Variants in MYBPC3 observed in about 807,000 individuals in gnomAD.
MYBPC3 encodes myosin binding protein C3, also known as myosin-binding protein C, cardiac-type.
MYBPC3 carries 108 observed loss-of-function variants against 159.3 expected under a neutral mutation model. The observed-to-expected ratio is 0.68, with a 90% CI of 0.58 to 0.80. MYBPC3 has a LOEUF of 0.80. Among genes scored for constraint, MYBPC3 ranks in the 30% least tolerant of loss-of-function variants. The probability of loss-of-function intolerance (pLI) is 0.00; values close to 1 mark genes in which losing one functional copy is unlikely to be tolerated. For synonymous variants in MYBPC3, 730 were observed against 702.0 expected, an observed-to-expected ratio of 1.04 and a Z score of -0.63; for missense variants, 1,631 against 1,762.1, an observed-to-expected ratio of 0.93 and a Z score of 1.33.
chr11:47,344,738 C>T (rs193162339), intron 12 of MYBPC3, among the ~76,000 whole-genome samples: 15 of 152,136 alleles, frequency 9.9e-5, no homozygotes, highest in Admixed American at 1.3e-4. Context: ...AGTGTTGTTT[C>T]GAGAATTAAA....
At chr11:47,335,775 G>A in intron 26 of MYBPC3, 102 bp downstream of exon 26, 4 of 1,095,818 alleles carry the variant, frequency 3.7e-6, no homozygotes, top group Non-Finnish European at 4.9e-6. Flanking sequence ...TCAACTTTCG[G>A]CAAAAGTGGG....
chr11:47,341,199 A>ACTTCTT lies in MYBPC3; in HGVS notation c.1835_1836insAAGAAG (p.Ala612_Asp613insArgSer). 1 of 1,595,658 alleles carries ACTTCTT rather than the reference A, an allele frequency of 6.3e-7. No individual in the cohort carries two copies. ...AGCCCTCGGGCACAAAGCTGTAGTC[A>ACTTCTT]GCCTCGTCGGCAGGTGTGACGTCGT... On this transcript the variant is annotated inframe_insertion, in exon 19 of 35. Coordinates refer to ENST00000545968, the MANE Select transcript of MYBPC3 (RefSeq NM_000256.3).
intron 26 of MYBPC3, 162 bp downstream of exon 26, chr11:47,335,715 G>T (rs982158493): frequency 3.4e-6 from 2 of 593,372 alleles, no homozygotes; most frequent in Non-Finnish European, 5.4e-6. Flanking sequence ...TTTTTCACTA[G>T]GCAAGCTTTT....
chr11:47,331,934 T>A, intron 33 of MYBPC3, 53 bp from the exon 34 acceptor site: 1 of 1,603,916 alleles, frequency 6.2e-7, no homozygotes, highest in Non-Finnish European at 8.5e-7. Flanking sequence ...TGGAAGCTAT[T>A]GCCCATCTGG....
chr11:47,348,618 G>T, intron 5 of MYBPC3, 77 bp from the exon 6 acceptor site: 2 of 1,163,446 alleles, frequency 1.7e-6, no homozygotes, highest in Non-Finnish European at 2.4e-6. Context: ...AAAGGAGACT[G>T]GGAGTGGCCG....
chr11:47,351,186 G>GGGGGGC lies in MYBPC3; in HGVS notation c.292+52_292+53insGCCCCC. On this transcript the variant is annotated intron_variant, in intron 2 of 34. Coordinates refer to ENST00000545968, the MANE Select transcript of MYBPC3 (RefSeq NM_000256.3). This position sits in a 1 kb window ranked among gnomAD's most constrained non-coding sequence, Gnocchi z 4.2. ...CCCTGGATGGATGGAGAGTCGCTGG[G>GGGGGGC]CTGCCCCTCCCCCAGCAGCCCAAAC... 1 of 1,446,514 alleles carries GGGGGGC rather than the reference G, an allele frequency of 6.9e-7. No individual in the cohort carries two copies. The highest frequency in any genetic ancestry group is 9.2e-7 in the Non-Finnish European group (1 of 1,087,030). 89.6% of individuals were successfully genotyped at this position (1,446,514 alleles called of 1,614,324 possible).
Position 47,351,111 on chromosome 11 carries a change from G to T in MYBPC3, c.292+128C>A. ...AAAAGGGGGAAAGGGCGTTCCTGGC[G>T]GGGGGCACAGCCACAGCAAAGGCAA... On this transcript the variant is annotated intron_variant, in intron 2 of 34. Transcript: ENST00000545968. The surrounding 1 kb of genome is among the most constrained non-coding windows in gnomAD (Gnocchi z 4.2). 8.2e-7 allele frequency: 1 copy of T among 1,216,572 alleles called. No individual in the cohort carries two copies. The highest frequency in any genetic ancestry group is 1.1e-6 in the Non-Finnish European group (1 of 907,810). The allele number at this position is 1,216,572 out of a possible 1,614,324, so 75.4% of individuals were successfully genotyped here.
chr11:47,349,846 G>T lies in MYBPC3; in HGVS notation c.582C>A (p.Gly194=), dbSNP rs375673378. 7 of 1,612,580 alleles carry T rather than the reference G, an allele frequency of 4.3e-6. No homozygotes were observed. The highest frequency in any genetic ancestry group is 5.1e-6 in the Non-Finnish European group (6 of 1,179,690). ...CCTTGCTGCTCAGGTCCACCCATTT[G>T]CCCTTGAACCACTTGACCACAGGCG... The part of the protein sequence containing the change: ...LKPPVVKWFK[G]KWVDLSSKVG... The change falls in exon 5 of 35, where the codon GGC becomes GGA. Residue 194 remains glycine, a synonymous_variant. Transcript: ENST00000545968.
In MYBPC3 at chr11:47,338,435, G is replaced by T; in HGVS notation, c.2308+85C>A. On this transcript the variant is annotated intron_variant, in intron 23 of 34. Coordinates refer to ENST00000545968, the MANE Select transcript of MYBPC3 (RefSeq NM_000256.3). The surrounding 1 kb of genome is among the most constrained non-coding windows in gnomAD (Gnocchi z 4.7). ...CTCAGGGAGCATGCCCGTGATGTTTGTCGAGTGGCTGAATGAGCGAACGGA... is the reference window on the plus strand; with the variant it reads ...CTCAGGGAGCATGCCCGTGATGTTTTTCGAGTGGCTGAATGAGCGAACGGA... 1.3e-6 allele frequency: 2 copies of T among 1,580,764 alleles called. No individual in the cohort carries two copies. Among genetic ancestry groups the T allele is most frequent in the Non-Finnish European group, 1.7e-6 (2 of 1,158,354 alleles).
Position 47,342,924 on chromosome 11 carries a change from G to C in MYBPC3, c.1363C>G (p.Leu455Val), listed in dbSNP as rs747686377. The change falls in exon 16 of 35, where the codon CTC becomes GTC. Residue 455 changes from leucine (L) to valine (V), a missense_variant. By Grantham distance (32) the Leu-to-Val change is conservative (BLOSUM62 1). Transcript: ENST00000545968. ...TELFVKEPPVLITRPLEDQLV... is the reference protein window; with the variant it reads ...TELFVKEPPVVITRPLEDQLV... The stretch of plus-strand genomic sequence containing the variant: ...TGGTCCTCCAAGGGGCGCGTGATGA[G>C]CACAGGGGGCTCTGTCCAGGCAGGG... 1 of 1,611,632 alleles carries C rather than the reference G, an allele frequency of 6.2e-7. No individual in the cohort carries two copies. Among genetic ancestry groups the C allele is most frequent in the Non-Finnish European group, 8.5e-7 (1 of 1,178,842 alleles).
chr11:47,340,177 GCACA>G (rs534671332), intron 20 of MYBPC3, among the ~76,000 whole-genome samples: 62 of 150,476 alleles, frequency 4.1e-4, no homozygotes, highest in African/African-American at 1.0e-3. Flanking sequence ...ATACACACAT[GCACA>G]CACAGACACA....
In MYBPC3 at chr11:47,332,903, C is replaced by T. The variant is rs934426505; in HGVS notation, c.3401G>A (p.Gly1134Asp). ...CTGGCTGAAGACGCGGAAGTAGTAG[C>T]CATTGCCAATGATGAGCTCTGGCAC... ...CVVPELIIGN[G>D]YYFRVFSQNM... Residue 1134 changes from glycine to aspartate, a missense_variant, in exon 31 of 35, where the codon GGC (glycine) becomes GAC (aspartate). By Grantham distance (94) the Gly-to-Asp change is moderately conservative. Transcript: ENST00000545968. The surrounding 1 kb of genome is among the most constrained non-coding windows in gnomAD (Gnocchi z 4.2). The T allele has an allele frequency of 6.2e-7, 1 of 1,609,366 alleles. No individual in the cohort carries two copies. The highest frequency in any genetic ancestry group is 8.5e-7 in the Non-Finnish European group (1 of 1,178,110).
intron 21 of MYBPC3, 87 bp from the exon 22 acceptor site, chr11:47,339,491 CCACACTG>C: frequency 6.6e-7 from 1 of 1,512,538 alleles, no homozygotes; most frequent in Non-Finnish European, 9.1e-7. Context: ...ACCCCCTGAC[CCACACTG>C]CCCACCTTGC....
chr11:47,347,080 G>A (rs2095895075), intron 9 of MYBPC3, 51 bp from the exon 10 acceptor site: 1 of 889,998 alleles, frequency 1.1e-6, no homozygotes, highest in East Asian at 2.4e-5. Context: ...GAGAGGGAGA[G>A]AGAGGGCAGA....
Position 47,335,920 on chromosome 11 carries a change from T to C in MYBPC3, c.2694A>G (p.Ala898=). 6.5e-7 allele frequency: 1 copy of C among 1,549,432 alleles called. No individual in the cohort carries two copies. Among genetic ancestry groups the C allele is most frequent in the South Asian group, 1.2e-5 (1 of 83,284 alleles). Reference sequence around the variant, plus strand: ...CCACGCTGTAGCCATCCAGGCCTCCTGCTCCCACGCGCTCTGGGGGCCGCC... The same window carrying C: ...CCACGCTGTAGCCATCCAGGCCTCCCGCTCCCACGCGCTCTGGGGGCCGCC... ...LKWRPPERVG[A]GGLDGYSVEY... is the part of the protein sequence containing the mutation. The change falls in exon 26 of 35, where the codon GCA becomes GCG. Residue 898 remains alanine (A), a synonymous_variant. Coordinates refer to ENST00000545968, the MANE Select transcript of MYBPC3 (RefSeq NM_000256.3).
In MYBPC3 at chr11:47,333,717, C is replaced by T; in HGVS notation, c.3030G>A (p.Glu1010=). Residue 1010 remains glutamate, a synonymous_variant, in exon 29 of 35, where the codon GAG becomes GAA. Coordinates refer to ENST00000545968, the MANE Select transcript of MYBPC3 (RefSeq NM_000256.3). ...CCTCCTCGCCTGCCAGGGGCTGCCC[C>T]TCTTTGGTCCAGGTCACCTGAGGCC... is the stretch of plus-strand genomic sequence containing the variant. ...KPRPQVTWTK[E]GQPLAGEEVS... 1 of 1,608,168 alleles carries T rather than the reference C, an allele frequency of 6.2e-7. No individual in the cohort carries two copies. Among genetic ancestry groups the T allele is most frequent in the Non-Finnish European group, 8.5e-7 (1 of 1,177,868 alleles).
At position 47,332,528 on chromosome 11, in the gene MYBPC3, C is replaced by T. The variant is rs780180727; in HGVS notation, c.3627+38G>A. 5.7e-6 allele frequency: 9 copies of T among 1,586,870 alleles called. No homozygotes were observed. Among genetic ancestry groups the T allele is most frequent in the Non-Finnish European group, 7.7e-6 (9 of 1,163,568 alleles). ...CAACGTCGGGGCCTGTGAGCCCTGCCTCCTGGTCGGCCTGGACCAGCGCCT... is the reference window on the plus strand; with the variant it reads ...CAACGTCGGGGCCTGTGAGCCCTGCTTCCTGGTCGGCCTGGACCAGCGCCT... On this transcript the variant is annotated intron_variant, in intron 32 of 34. Transcript: ENST00000545968. The surrounding 1 kb of genome is among the most constrained non-coding windows in gnomAD (Gnocchi z 4.2).
At chr11:47,337,883 G>A (rs1053630476) in intron 23 of MYBPC3, 89 bp from the exon 24 acceptor site, 65 of 1,043,208 alleles carry the variant, frequency 6.2e-5, no homozygotes, top group Non-Finnish European at 7.7e-5. Flanking sequence ...CCAACTAACC[G>A]CCACAGGCTG....
chr11:47,351,221 G>A lies in MYBPC3; in HGVS notation c.292+18C>T, dbSNP rs1445084146. On this transcript the variant is annotated intron_variant, in intron 2 of 34. Transcript: ENST00000545968. The surrounding 1 kb of genome is among the most constrained non-coding windows in gnomAD (Gnocchi z 4.2). ...CCCCAGCAGCCCAAACCTCAGGGAA[G>A]GCTGATCAGGATCTTACCTGCCTCT... The A allele has an allele frequency of 6.8e-6, 10 of 1,480,256 alleles. No homozygotes were observed. In the Admixed American group the frequency reaches 1.9e-4, roughly 28 times the overall value. The allele number at this position is 1,480,256 out of a possible 1,614,324, so 91.7% of individuals were successfully genotyped here.
Sources: gnomAD v4.1 joint callset for allele counts (sites outside exome capture counted in the v4.1 genomes callset) on GRCh38, gnomAD v4.1.1 for gene constraint, Gnocchi (gnomAD v3.1) non-coding constraint, MANE v1.5 for transcripts, NCBI Gene and HGNC (gene_info 2026-07-23, HGNC 2026-07-21) for gene names.